The following FHIT variants were observed in gnomAD, a reference collection of about 807,000 sequenced individuals.
FHIT encodes the protein bis(5'-adenosyl)-triphosphatase.
A neutral mutation model predicts 17.9 loss-of-function variants in FHIT; 19 were observed. The ratio of observed to expected loss-of-function variants is 1.06; its 90% CI spans 0.74 to 1.56. The LOEUF is 1.56. Among genes scored for constraint, FHIT ranks in the 40% most tolerant of loss-of-function variants. FHIT has a pLI of 0.00. For missense variants in FHIT, 248 were observed against 189.2 expected (o/e 1.31, Z -1.82); for synonymous variants, 81 against 69.7 (o/e 1.16, Z -0.81).
intron 3 of FHIT, among the ~76,000 whole-genome samples, chr3:60,831,608 C>T (rs575801855): frequency 6.7e-6 from 1 of 149,978 alleles, no homozygotes; most frequent in East Asian, 1.9e-4. Flanking sequence ...TTCATATTTA[C>T]AATAAAACCA....
intron 8 of FHIT, among the ~76,000 whole-genome samples, chr3:59,909,101 T>G (rs1471547413): frequency 2.0e-5 from 3 of 152,092 alleles, no homozygotes; most frequent in South Asian, 2.1e-4. Flanking sequence ...TGGCACAGTC[T>G]CGGCTCAGTG....
In FHIT at chr3:60,153,946, G is replaced by A. The variant is rs1263248769; in HGVS notation, c.104-139794C>T. ...TTCTTTAGAGATGACATACTAGTAA[G>A]AGAGACACACTAAAAACAAGTAAAC... On this transcript the variant is annotated intron_variant, in intron 5 of 9. Transcript: ENST00000492590. 2.0e-5 allele frequency among the ~76,000 whole-genome samples: 3 copies of A among 152,212 alleles called. No homozygotes were observed. In the East Asian group the frequency reaches 5.8e-4, roughly 29 times the overall value.
At chr3:60,672,626 G>A (rs2040532493) in intron 4 of FHIT, among the ~76,000 whole-genome samples, 1 of 152,186 alleles carries the variant, frequency 6.6e-6, no homozygotes, top group African/African-American at 2.4e-5. Flanking sequence ...GGGATGCGAT[G>A]GCTTGGCTTG....
In FHIT at chr3:60,256,693, T is replaced by C. The variant is rs146545847; in HGVS notation, c.104-242541A>G. 6.0e-3 allele frequency among the ~76,000 whole-genome samples: 915 copies of C among 152,304 alleles called. 5 individuals are homozygous for C. Among genetic ancestry groups the C allele is most frequent in the Middle Eastern group, 0.024 (7 of 294 alleles). On this transcript the variant is annotated intron_variant, in intron 5 of 9. Coordinates refer to ENST00000492590, the MANE Select transcript of FHIT (RefSeq NM_002012.4). Reference sequence around the variant, plus strand: ...AACTTTGGTAGATCCCACCTTGGTTTAGTACCTTGCATCCACACCTCTGTG... The same window carrying C: ...AACTTTGGTAGATCCCACCTTGGTTCAGTACCTTGCATCCACACCTCTGTG...
At chr3:61,139,111 C>T (rs1028050791) in intron 2 of FHIT, among the ~76,000 whole-genome samples, 1 of 149,558 alleles carries the variant, frequency 6.7e-6, no homozygotes, top group Non-Finnish European at 1.5e-5. Flanking sequence ...CTCACTGCAA[C>T]CTCCGCCTCC....
chr3:59,938,154 T>C (rs1028510255), intron 7 of FHIT, among the ~76,000 whole-genome samples: 8 of 152,138 alleles, frequency 5.3e-5, no homozygotes, highest in African/African-American at 1.9e-4. Context: ...ACAATGTAAA[T>C]GTCCATCAAA....
chr3:59,930,252 G>C (rs886332802), intron 7 of FHIT, among the ~76,000 whole-genome samples: 4 of 152,274 alleles, frequency 2.6e-5, no homozygotes, highest in Non-Finnish European at 5.9e-5. Context: ...CCAGTCAGAT[G>C]CAAGTCAGGC....
intron 3 of FHIT, among the ~76,000 whole-genome samples, chr3:60,967,825 C>T (rs79368543): frequency 8.5e-5 from 13 of 152,186 alleles, no homozygotes; most frequent in East Asian, 5.8e-4. Flanking sequence ...GACTGGCCCA[C>T]GGTATATAAT....
chr3:59,989,946 GAAGA>G (rs1303734804), intron 7 of FHIT, among the ~76,000 whole-genome samples: 2 of 152,022 alleles, frequency 1.3e-5, no homozygotes, highest in African/African-American at 2.4e-5. Flanking sequence ...GTACATAGTA[GAAGA>G]AAGAGTCAAG....
At chr3:60,744,271 A>AAAAC (rs2042308671) in intron 4 of FHIT, among the ~76,000 whole-genome samples, 40 of 52,134 alleles carry the variant, frequency 7.7e-4, no homozygotes, top group South Asian at 4.5e-3. Context: ...AACAAAACAA[A>AAAAC]AAAAAAAAAA....
At chr3:59,776,054 C>T (rs538954196) in intron 8 of FHIT, among the ~76,000 whole-genome samples, 23 of 152,296 alleles carry the variant, frequency 1.5e-4, no homozygotes, top group African/African-American at 4.6e-4. Flanking sequence ...AAAATGAATT[C>T]GAATTGCCTG....
chr3:61,124,269 T>C (rs967960144), intron 2 of FHIT, among the ~76,000 whole-genome samples: 3 of 152,158 alleles, frequency 2.0e-5, no homozygotes, highest in Admixed American at 1.3e-4. Context: ...TATTAAGAAA[T>C]AGCCAAAACT....
At chr3:60,882,817 C>T (rs1269901070) in intron 3 of FHIT, among the ~76,000 whole-genome samples, 5 of 152,028 alleles carry the variant, frequency 3.3e-5, no homozygotes, top group Non-Finnish European at 5.9e-5. Flanking sequence ...GACCATGATG[C>T]CCACTCCCAC....
At chr3:60,349,572 T>G (rs141142272) in intron 5 of FHIT, among the ~76,000 whole-genome samples, 104 of 152,306 alleles carry the variant, frequency 6.8e-4, no homozygotes, top group Middle Eastern at 6.8e-3. Flanking sequence ...AAAGATTCAT[T>G]GTAAGTCTAA....
At chr3:61,000,066 A>C (rs928820576) in intron 3 of FHIT, among the ~76,000 whole-genome samples, 1 of 152,148 alleles carries the variant, frequency 6.6e-6, no homozygotes, top group Non-Finnish European at 1.5e-5. Context: ...CAACATAGAA[A>C]TGTTGGGGGT....
At chr3:60,002,439 G>C (rs1446702465) in intron 7 of FHIT, among the ~76,000 whole-genome samples, 1 of 152,144 alleles carries the variant, frequency 6.6e-6, no homozygotes, top group Non-Finnish European at 1.5e-5. Context: ...GGATCTATTA[G>C]ACAATAAGGT....
At chr3:60,366,606 T>C (rs1403311037) in intron 5 of FHIT, among the ~76,000 whole-genome samples, 1 of 152,146 alleles carries the variant, frequency 6.6e-6, no homozygotes, top group Non-Finnish European at 1.5e-5. Flanking sequence ...ATGTTAGTGA[T>C]GTTGGGAATG....
chr3:60,563,511 C>G (rs1238485802), intron 4 of FHIT, among the ~76,000 whole-genome samples: 1 of 152,220 alleles, frequency 6.6e-6, no homozygotes, highest in South Asian at 2.1e-4. Flanking sequence ...AAGCCAAAGA[C>G]AGGCCAAAAG....
chr3:60,227,032 G>C (rs556470438), intron 5 of FHIT, among the ~76,000 whole-genome samples: 2 of 151,910 alleles, frequency 1.3e-5, no homozygotes, highest in Non-Finnish European at 2.9e-5. Flanking sequence ...AATCTACAAG[G>C]GCTCAGAGGT....
Sources: gnomAD v4.1 joint callset for allele counts (sites outside exome capture counted in the v4.1 genomes callset) on GRCh38, gnomAD v4.1.1 for gene constraint, MANE v1.5 for transcripts, NCBI Gene and HGNC (gene_info 2026-07-23, HGNC 2026-07-21) for gene names.